The following NSA2 variants were observed in gnomAD, a reference collection of about 807,000 sequenced individuals.
NSA2 encodes the protein NSA2 ribosome biogenesis factor.
Under a neutral mutation model 34.8 loss-of-function variants are expected in NSA2, and 18 were observed. The ratio of observed to expected loss-of-function variants is 0.52; its 90% CI spans 0.36 to 0.77. The LOEUF (loss-of-function observed/expected upper bound fraction) is 0.77, where lower values mean the gene tolerates loss of function less well. Ranked by LOEUF, NSA2 falls within the 30% of genes least tolerant of loss-of-function variation. NSA2 has a pLI of 0.00. For missense variants in NSA2, 188 were observed against 314.7 expected (o/e 0.60, Z 3.05); for synonymous variants, 79 against 100.2 (o/e 0.79, Z 1.26).
At chr5:74,772,342 G>A (rs1042105303) in intron 4 of NSA2, among the ~76,000 whole-genome samples, 1 of 152,054 alleles carries the variant, frequency 6.6e-6, no homozygotes, top group Non-Finnish European at 1.5e-5. Flanking sequence ...TAGCCAGGAT[G>A]GTCTCGATCT....
At position 74,776,899 on chromosome 5, in the gene NSA2, T is replaced by C; in HGVS notation, c.*228T>C. 2.9e-6 allele frequency: 1 copy of C among 344,864 alleles called. No homozygotes were observed. The highest frequency in any genetic ancestry group is 5.3e-6 in the Non-Finnish European group (1 of 189,296). 21.4% of individuals were successfully genotyped at this position (344,864 alleles called of 1,614,324 possible). On this transcript the variant is annotated 3_prime_UTR_variant, in exon 6 of 6. Transcript: ENST00000610426. ...TTGAAAAAAAGCAAATATACAAATA[T>C]CCTACTTCATCAATATCTGCATTTG...
chr5:74,771,284 A>G (rs1744918101), intron 4 of NSA2, among the ~76,000 whole-genome samples: 3 of 152,054 alleles, frequency 2.0e-5, no homozygotes, highest in Non-Finnish European at 4.4e-5. Context: ...CCGTCTCAAA[A>G]AAAAAAAAAA....
At position 74,780,033 on chromosome 5, in the gene NSA2, AAAGAG is replaced by A. The variant is rs1384429364; in HGVS notation, c.*3363_*3367del. 6.6e-6 allele frequency: 1 copy of A among 152,080 alleles called. No homozygotes were observed. The highest frequency in any genetic ancestry group is 1.5e-5 in the Non-Finnish European group (1 of 68,046). The allele number at this position is 152,080 out of a possible 1,614,324, so 9.4% of individuals were successfully genotyped here. On this transcript the variant is annotated 3_prime_UTR_variant, in exon 6 of 6. Transcript: ENST00000610426. ...AAATTTGAGTACACATAATATTTCC[AAAGAG>A]TAGAACTGTTTTTAGATTATCTTTG...
chr5:74,768,144 A>C (rs560890250), intron 1 of NSA2, among the ~76,000 whole-genome samples: 2 of 152,352 alleles, frequency 1.3e-5, no homozygotes, highest in African/African-American at 2.4e-5. Context: ...CAGTAAACAC[A>C]CGTCCACATG....
At chr5:74,770,103 G>A (rs1744867616) in intron 3 of NSA2, among the ~76,000 whole-genome samples, 1 of 152,212 alleles carries the variant, frequency 6.6e-6, no homozygotes, top group Non-Finnish European at 1.5e-5. Context: ...AGCCAAGGCA[G>A]GTGGATCACC....
At position 74,769,793 on chromosome 5, in the gene NSA2, G is replaced by T. The variant is rs577975161; in HGVS notation, c.342+429G>T. Reference sequence around the variant, plus strand: ...TTTTAAAACACCTGTAAATAGATTAGCAGAAATCCAGATAAAAGAATATGC... The same window carrying T: ...TTTTAAAACACCTGTAAATAGATTATCAGAAATCCAGATAAAAGAATATGC... On this transcript the variant is annotated intron_variant, in intron 3 of 5. Transcript: ENST00000610426. Among the ~76,000 whole-genome samples, 6 of 152,238 alleles carry T rather than the reference G, an allele frequency of 3.9e-5. No homozygotes were observed. The South Asian group carries it at 1.2e-3, about 32-fold the overall frequency.
chr5:74,775,691 TAA>T (rs11445878), intron 5 of NSA2, among the ~76,000 whole-genome samples: 3 of 150,250 alleles, frequency 2.0e-5, no homozygotes, highest in Non-Finnish European at 3.0e-5. Flanking sequence ...AAGTTATAAC[TAA>T]AAAAAATTGT....
intron 4 of NSA2, chr5:74,771,506 A>T (rs1744927419): frequency 6.6e-6 from 1 of 152,128 alleles, no homozygotes; most frequent in African/African-American, 2.4e-5. Context: ...GGACTGTTTT[A>T]TAAGAGTCAA....
At position 74,776,827 on chromosome 5, in the gene NSA2, C is replaced by CTT; in HGVS notation, c.*158_*159dup. The CTT allele has an allele frequency of 2.1e-6, 1 of 485,300 alleles. No homozygotes were observed. Among genetic ancestry groups the CTT allele is most frequent in the Non-Finnish European group, 3.7e-6 (1 of 267,536 alleles). The allele number at this position is 485,300 out of a possible 1,614,324, so 30.1% of individuals were successfully genotyped here. A position where few individuals can be genotyped will look rare whatever the true frequency, so the allele number is the denominator to read the frequency against. On this transcript the variant is annotated 3_prime_UTR_variant, in exon 6 of 6. Transcript: ENST00000610426. The stretch of plus-strand genomic sequence containing the variant: ...AAAGTGGTCCAGTTTTATAAATGGT[C>CTT]TTTATTTTGAAATACGCTTTGACCC...
chr5:74,774,430 C>T (rs1745044161), intron 5 of NSA2, among the ~76,000 whole-genome samples: 1 of 151,896 alleles, frequency 6.6e-6, no homozygotes, highest in Non-Finnish European at 1.5e-5. Context: ...GGCAAAACCC[C>T]ACCTCTACTA....
At position 74,767,328 on chromosome 5, in the gene NSA2, G is replaced by C. The variant is rs773642837; in HGVS notation, c.-33G>C. ...AAATTGAGAGCGTTTTCGCACTCCA[G>C]CGGCTGCTCCTGGCGGCTCTGCGGC... On this transcript the variant is annotated 5_prime_UTR_variant, in exon 1 of 6. Coordinates refer to ENST00000610426, the MANE Select transcript of NSA2 (RefSeq NM_014886.6). 2.5e-6 allele frequency: 4 copies of C among 1,613,502 alleles called. No homozygotes were observed. Among genetic ancestry groups the C allele is most frequent in the Non-Finnish European group, 3.4e-6 (4 of 1,179,618 alleles).
chr5:74,770,537 A>C, intron 3 of NSA2, 94 bp from the exon 4 acceptor site: 3 of 1,027,386 alleles, frequency 2.9e-6, no homozygotes, highest in Non-Finnish European at 4.2e-6. Flanking sequence ...AGCAAAAAAA[A>C]TAGATCTATT....
chr5:74,771,999 AT>A (rs1441736141), intron 4 of NSA2, among the ~76,000 whole-genome samples: 8 of 152,124 alleles, frequency 5.3e-5, no homozygotes, highest in African/African-American at 1.9e-4. Flanking sequence ...TTGAAGATAT[AT>A]TTTTGCAAAA....
In NSA2 at chr5:74,767,368, G is replaced by T. The variant is rs1259205019; in HGVS notation, c.3+5G>T. 1.2e-6 allele frequency: 2 copies of T among 1,613,104 alleles called. No individual in the cohort carries two copies. The highest frequency in any genetic ancestry group is 1.7e-6 in the Non-Finnish European group (2 of 1,179,734). On this transcript the variant is annotated splice_donor_5th_base_variant and intron_variant, in intron 1 of 5. Transcript: ENST00000610426. ...GGCTCTGCGGCCGTCACCATGGTAAGGAGGATGCCTCGGACGCTCGCGACA... is the reference window on the plus strand; with the variant it reads ...GGCTCTGCGGCCGTCACCATGGTAATGAGGATGCCTCGGACGCTCGCGACA...
chr5:74,776,719 AC>A lies in NSA2; in HGVS notation c.*49del, dbSNP rs1745142438. On this transcript the variant is annotated 3_prime_UTR_variant, in exon 6 of 6. Coordinates refer to ENST00000610426, the MANE Select transcript of NSA2 (RefSeq NM_014886.6). Reference sequence around the variant, plus strand: ...TGAGGACTACACACCAATTGAAGAAACTGCCATTACTGTGATGTTTCTGAAT... The same window carrying A: ...TGAGGACTACACACCAATTGAAGAAATGCCATTACTGTGATGTTTCTGAAT... 5 of 899,564 alleles carry A rather than the reference AC, an allele frequency of 5.6e-6. No homozygotes were observed. The highest frequency in any genetic ancestry group is 9.4e-6 in the Non-Finnish European group (5 of 534,264). 55.7% of individuals were successfully genotyped at this position (899,564 alleles called of 1,614,324 possible).
chr5:74,773,506 G>C (rs545766522), intron 4 of NSA2, among the ~76,000 whole-genome samples: 43 of 151,742 alleles, frequency 2.8e-4, no homozygotes, highest in African/African-American at 1.0e-3. Flanking sequence ...TAGGCATGGT[G>C]GTGCGTGCCT....
In NSA2 at chr5:74,769,430, C is replaced by T. The variant is rs1026302658; in HGVS notation, c.342+66C>T. Reference sequence around the variant, plus strand: ...ATTACTTAAATTCAAATTTGAGGTTCTTGTTTCTCGGTTTAATTTCAAACA... The same window carrying T: ...ATTACTTAAATTCAAATTTGAGGTTTTTGTTTCTCGGTTTAATTTCAAACA... On this transcript the variant is annotated intron_variant, in intron 3 of 5. Coordinates refer to ENST00000610426, the MANE Select transcript of NSA2 (RefSeq NM_014886.6). The T allele has an allele frequency of 3.0e-6, 4 of 1,336,926 alleles. No individual in the cohort carries two copies. The South Asian group carries it at 4.6e-5, about 16-fold the overall frequency. The allele number at this position is 1,336,926 out of a possible 1,614,324, so 82.8% of individuals were successfully genotyped here.
At position 74,776,623 on chromosome 5, in the gene NSA2, CA is replaced by C. The variant is rs755300985; in HGVS notation, c.737del (p.Asn246ThrfsTer9). 2.5e-6 allele frequency: 4 copies of C among 1,596,274 alleles called. No individual in the cohort carries two copies. Among genetic ancestry groups the C allele is most frequent in the Non-Finnish European group, 3.4e-6 (4 of 1,165,428 alleles). On this transcript the variant is annotated frameshift_variant, in exon 6 of 6. Coordinates refer to ENST00000610426, the MANE Select transcript of NSA2 (RefSeq NM_014886.6). LOFTEE classifies it high-confidence loss of function. ...CCTTAGGAAAATATGCCCAGGTTAC[CA>C]ACAATCCTGAAAATGATGGATGTAT... ...VIWGKYAQVT[N>X]NPENDGCINA... is the part of the protein sequence containing the mutation.
At chr5:74,770,294 C>T (rs563027027) in intron 3 of NSA2, among the ~76,000 whole-genome samples, 2 of 149,724 alleles carry the variant, frequency 1.3e-5, no homozygotes, top group South Asian at 4.2e-4. Flanking sequence ...GATTGTACCA[C>T]TGCACTCCAG....
Sources: gnomAD v4.1 joint callset for allele counts (sites outside exome capture counted in the v4.1 genomes callset) on GRCh38, gnomAD v4.1.1 for gene constraint, MANE v1.5 for transcripts, NCBI Gene and HGNC (gene_info 2026-07-23, HGNC 2026-07-21) for gene names.